Variants in TRMT44 observed in about 807,000 individuals in gnomAD.
TRMT44 encodes the protein tRNA methyltransferase 44 homolog.
Under a neutral mutation model 77.3 loss-of-function variants are expected in TRMT44, and 78 were observed. The ratio of observed to expected loss-of-function variants is 1.01; its 90% CI spans 0.84 to 1.22. The LOEUF (loss-of-function observed/expected upper bound fraction) is 1.22. Among genes scored for constraint, TRMT44 ranks in the 50% most tolerant of loss-of-function variants. TRMT44 has a pLI of 0.00. For synonymous variants in TRMT44, 391 were observed against 383.3 expected, an observed-to-expected ratio of 1.02 and a Z score of -0.23; for missense variants, 1,090 against 964.4, an observed-to-expected ratio of 1.13 and a Z score of -1.73.
intron 2 of TRMT44, among the ~76,000 whole-genome samples, chr4:8,490,420 T>C (rs1324006001): frequency 6.6e-6 from 1 of 151,712 alleles, no homozygotes; most frequent in Non-Finnish European, 1.5e-5. Context: ...GGCTCAGGAG[T>C]GAAGCTGCAG....
chr4:8,513,016 A>G, the TRMT44 span, among the ~76,000 whole-genome samples: 8 of 152,130 alleles, frequency 5.3e-5, no homozygotes, highest in African/African-American at 1.9e-4. Context: ...GGGTTCAACC[A>G]ATTCTTCTGT....
the TRMT44 span, chr4:8,512,405 A>T: frequency 6.6e-6 from 1 of 152,166 alleles, no homozygotes; most frequent in East Asian, 1.9e-4. Context: ...TTGTTATTCT[A>T]TGTATTTCAT....
At chr4:8,512,120 G>A in the TRMT44 span, 2 of 152,088 alleles carry the variant, frequency 1.3e-5, no homozygotes, top group African/African-American at 4.8e-5. Flanking sequence ...AGGCTGGAGT[G>A]CGGGGGTGCG....
chr4:8,450,908 C>T (rs959473486), intron 3 of TRMT44, among the ~76,000 whole-genome samples: 3 of 151,270 alleles, frequency 2.0e-5, no homozygotes, highest in Non-Finnish European at 4.4e-5. Flanking sequence ...AGCGATTCTC[C>T]CTAGTAGCTG....
exon 3 of TRMT44, chr4:8,493,417 C>T (rs992038055): frequency 1.4e-4 from 21 of 152,228 alleles, no homozygotes; most frequent in African/African-American, 5.1e-4. Context: ...GCACTCCCGA[C>T]TTACTGGCCC....
chr4:8,453,160 C>T (rs1228964245), intron 5 of TRMT44, among the ~76,000 whole-genome samples, 171 bp downstream of exon 5: 1 of 152,158 alleles, frequency 6.6e-6, no homozygotes, highest in Non-Finnish European at 1.5e-5. Context: ...ACAAACAGCT[C>T]CTAAAACAAG....
At chr4:8,513,448 C>T in the TRMT44 span, among the ~76,000 whole-genome samples, 1 of 152,152 alleles carries the variant, frequency 6.6e-6, no homozygotes, top group Non-Finnish European at 1.5e-5. Flanking sequence ...GTGGGAGTTA[C>T]AAATCAAGGT....
intron 6 of TRMT44, among the ~76,000 whole-genome samples, chr4:8,456,363 A>G (rs1725810762): frequency 1.3e-5 from 2 of 152,224 alleles, no homozygotes; most frequent in Non-Finnish European, 2.9e-5. Context: ...AACCTCGAGT[A>G]GCACTGCAGG....
chr4:8,450,479 A>G (rs1426225762), intron 3 of TRMT44, among the ~76,000 whole-genome samples: 2 of 152,266 alleles, frequency 1.3e-5, no homozygotes, highest in African/African-American at 4.8e-5. Context: ...AATTCTTTGT[A>G]TAAACTTAAA....
chr4:8,450,232 A>G (rs572879785), intron 3 of TRMT44, among the ~76,000 whole-genome samples: 37 of 152,166 alleles, frequency 2.4e-4, no homozygotes, highest in Middle Eastern at 6.8e-3. Context: ...CACCGTGTCC[A>G]GCTCACCCTT....
chr4:8,486,516 TTTTA>T (rs1727809472), intron 2 of TRMT44, among the ~76,000 whole-genome samples: 1 of 152,290 alleles, frequency 6.6e-6, no homozygotes, highest in African/African-American at 2.4e-5. Flanking sequence ...AATTTTGGAT[TTTTA>T]TTTAATTTTT....
At chr4:8,483,760 G>A (rs935850611) in intron 2 of TRMT44, among the ~76,000 whole-genome samples, 1 of 152,154 alleles carries the variant, frequency 6.6e-6, no homozygotes, top group Non-Finnish European at 1.5e-5. Context: ...GTATAGAGGT[G>A]GGAAGGCCAA....
At position 8,441,110 on chromosome 4, in the gene TRMT44, A is replaced by G; in HGVS notation, c.288A>G (p.Ala96=). 6.6e-7 allele frequency: 1 copy of G among 1,516,750 alleles called. No individual in the cohort carries two copies. The highest frequency in any genetic ancestry group is 8.8e-7 in the Non-Finnish European group (1 of 1,135,206). 94.0% of individuals were successfully genotyped at this position (1,516,750 alleles called of 1,614,324 possible). ...RSLSGPEQGT[A]CCELEEAQGQ... ...TATCAGGACCCGAGCAGGGCACGGC[A>G]TGTTGCGAACTTGAGGAGGCCCAGG... Residue 96 remains alanine, a synonymous_variant, in exon 1 of 11, where the codon GCA becomes GCG. Coordinates refer to ENST00000389737, the MANE Select transcript of TRMT44 (RefSeq NM_152544.3).
intron 2 of TRMT44, among the ~76,000 whole-genome samples, chr4:8,481,685 G>A (rs896709649): frequency 1.3e-5 from 2 of 152,070 alleles, no homozygotes; most frequent in African/African-American, 4.8e-5. Context: ...AAACTTTTTT[G>A]TTAAAAATGA....
At chr4:8,484,702 G>C (rs1314180293) in intron 2 of TRMT44, among the ~76,000 whole-genome samples, 1 of 152,146 alleles carries the variant, frequency 6.6e-6, no homozygotes, top group Non-Finnish European at 1.5e-5. Context: ...AAGAGGAGTG[G>C]GGAAAGGATT....
At chr4:8,514,027 C>T in the TRMT44 span, among the ~76,000 whole-genome samples, 9 of 152,270 alleles carry the variant, frequency 5.9e-5, no homozygotes, top group African/African-American at 1.9e-4. Context: ...CTGGCGAAAC[C>T]CCCAACTGAA....
At chr4:8,441,640 G>A (rs776748415) in intron 1 of TRMT44, among the ~76,000 whole-genome samples, 199 bp downstream of exon 1, 4 of 152,186 alleles carry the variant, frequency 2.6e-5, no homozygotes, top group Non-Finnish European at 5.9e-5. Context: ...TTGGGGTGGT[G>A]TCTGGAAGGC....
Position 8,444,439 on chromosome 4 carries a change from C to T in TRMT44, c.620-2037C>T, listed in dbSNP as rs930263639. On this transcript the variant is annotated intron_variant, in intron 1 of 10. Coordinates refer to ENST00000389737, the MANE Select transcript of TRMT44 (RefSeq NM_152544.3). The surrounding 1 kb of genome is among the most constrained non-coding windows in gnomAD (Gnocchi z 4.0). ...TTTGAGAGTAGTCTCGCTCTGTGGCCCAGGCTAGAGTGCAGTGGTGTGATT... is the reference window on the plus strand; with the variant it reads ...TTTGAGAGTAGTCTCGCTCTGTGGCTCAGGCTAGAGTGCAGTGGTGTGATT... 6.6e-6 allele frequency among the ~76,000 whole-genome samples: 1 copy of T among 151,340 alleles called. No homozygotes were observed. The highest frequency in any genetic ancestry group is 1.5e-5 in the Non-Finnish European group (1 of 67,942).
chr4:8,513,397 A>G, the TRMT44 span, among the ~76,000 whole-genome samples: 1 of 152,198 alleles, frequency 6.6e-6, no homozygotes, highest in African/African-American at 2.4e-5. Context: ...CCCATAATTC[A>G]ATCACCTCCC....
Sources: allele counts gnomAD v4.1 joint callset (sites outside exome capture counted in the v4.1 genomes callset), GRCh38; gene constraint gnomAD v4.1.1; non-coding constraint Gnocchi (gnomAD v3.1); transcripts MANE v1.5; gene names NCBI Gene and HGNC (gene_info 2026-07-23, HGNC 2026-07-21).